ESRRG: variants seen among roughly 807,000 people sequenced by gnomAD.
ESRRG encodes the protein estrogen related receptor gamma, also known as estrogen-related receptor gamma.
ESRRG carries 13 observed loss-of-function variants against 44.0 expected under a neutral mutation model. The observed-to-expected ratio is 0.30, with a 90% CI of 0.19 to 0.47. The LOEUF (loss-of-function observed/expected upper bound fraction) is 0.47. Ranked by LOEUF, ESRRG falls within the 20% of genes least tolerant of loss-of-function variation. The probability of loss-of-function intolerance (pLI) is 1.00; values close to 1 mark genes in which losing one functional copy is unlikely to be tolerated. For missense variants in ESRRG, 395 were observed against 580.6 expected (o/e 0.68, Z 3.29); for synonymous variants, 215 against 214.6 (o/e 1.00, Z -0.02).
intron 1 of ESRRG, among the ~76,000 whole-genome samples, chr1:217,111,602 GT>G (rs1370505720): frequency 1.3e-5 from 2 of 151,940 alleles, no homozygotes; most frequent in African/African-American, 4.8e-5. Context: ...CAAGGCAGAA[GT>G]TTTTTTTCAA....
Position 216,503,587 on chromosome 1 carries a change from G to T in ESRRG, c.*3352C>A, listed in dbSNP as rs544344344. On this transcript the variant is annotated 3_prime_UTR_variant, in exon 7 of 7. Coordinates refer to ENST00000408911, the MANE Select transcript of ESRRG (RefSeq NM_001438.4). ...CAGTTTAAATTTTTTGTCCTTTTAC[G>T]ATCTTTGCACATAAGACTGCCATAA... 1.3e-5 allele frequency: 2 copies of T among 152,172 alleles called. No individual in the cohort carries two copies. The highest frequency in any genetic ancestry group is 2.9e-5 in the Non-Finnish European group (2 of 67,930). 9.4% of individuals were successfully genotyped at this position (152,172 alleles called of 1,614,324 possible).
At chr1:216,523,498 T>C (rs1164314898) in intron 5 of ESRRG, among the ~76,000 whole-genome samples, 1 of 75,732 alleles carries the variant, frequency 1.3e-5, no homozygotes, top group African/African-American at 3.8e-5. Context: ...CTGTTTTTTT[T>C]TTTGTTTTTT....
chr1:216,968,644 AG>A (rs1347645923), intron 1 of ESRRG, among the ~76,000 whole-genome samples: 1 of 150,734 alleles, frequency 6.6e-6, no homozygotes, highest in Admixed American at 6.6e-5. Context: ...GTAGCTTTAA[AG>A]TAGTATCAGT....
Position 216,602,544 on chromosome 1 carries a change from T to G in ESRRG, c.590-34446A>C, listed in dbSNP as rs1558752541. The stretch of plus-strand genomic sequence containing the variant: ...TGTCAGTTTAATCCCCAGCCTGACC[T>G]GGAACACTTTGGCCATTTTAACACC... On this transcript the variant is annotated intron_variant, in intron 3 of 6. Transcript: ENST00000408911. 3.3e-5 allele frequency among the ~76,000 whole-genome samples: 5 copies of G among 152,182 alleles called. No individual in the cohort carries two copies. In the South Asian group the frequency reaches 1.0e-3, roughly 31 times the overall value.
intron 2 of ESRRG, among the ~76,000 whole-genome samples, chr1:216,788,900 G>A (rs1191014121): frequency 6.6e-6 from 1 of 152,118 alleles, no homozygotes; most frequent in Non-Finnish European, 1.5e-5. Flanking sequence ...AGGAGCTGTA[G>A]TTGTGGTAGA....
chr1:216,601,242 C>G (rs575062363), intron 3 of ESRRG, among the ~76,000 whole-genome samples: 1 of 152,012 alleles, frequency 6.6e-6, no homozygotes, highest in Admixed American at 6.5e-5. Context: ...GAAGGACACC[C>G]GGCCGTCGGA....
At chr1:216,622,436 C>T (rs1450516162) in intron 3 of ESRRG, among the ~76,000 whole-genome samples, 1 of 152,208 alleles carries the variant, frequency 6.6e-6, no homozygotes, top group Admixed American at 6.5e-5. Flanking sequence ...TAGGCATTCT[C>T]TGATCCTTCT....
rs756530631 is a variant in ESRRG at position 216,519,425 on chromosome 1, C to T, written c.863-4G>A. On this transcript the variant is annotated splice_region_variant and splice_polypyrimidine_tract_variant and intron_variant, in intron 5 of 6. Transcript: ENST00000408911. ...GCCAGGGACAGCGTGGAGAAGCCTGCATGGAAAGATGGGCAGATCAAGTTA... is the reference window on the plus strand; with the variant it reads ...GCCAGGGACAGCGTGGAGAAGCCTGTATGGAAAGATGGGCAGATCAAGTTA... 6.3e-7 allele frequency: 1 copy of T among 1,599,180 alleles called. No homozygotes were observed. The highest frequency in any genetic ancestry group is 8.5e-7 in the Non-Finnish European group (1 of 1,177,314).
chr1:217,091,582 A>G (rs1299790902), upstream of ESRRG, among the ~76,000 whole-genome samples: 1 of 152,222 alleles, frequency 6.6e-6, no homozygotes. Flanking sequence ...AGGACTATTG[A>G]CTGATGGCCA....
intron 2 of ESRRG, among the ~76,000 whole-genome samples, chr1:216,844,192 G>A (rs995612972): frequency 6.6e-6 from 1 of 152,050 alleles, no homozygotes; most frequent in Non-Finnish European, 1.5e-5. Flanking sequence ...TACAGGCCTG[G>A]AGAGTTAAGA....
At chr1:216,919,471 C>T (rs1340710315) in intron 2 of ESRRG, among the ~76,000 whole-genome samples, 2 of 152,124 alleles carry the variant, frequency 1.3e-5, no homozygotes, top group African/African-American at 2.4e-5. Context: ...GGCTGAAAAG[C>T]AACTCTGAAA....
chr1:216,633,581 T>C (rs1574468363), intron 3 of ESRRG, among the ~76,000 whole-genome samples: 1 of 152,334 alleles, frequency 6.6e-6, no homozygotes, highest in South Asian at 2.1e-4. Context: ...ATGATTATGA[T>C]ACAGATGTAA....
chr1:216,701,835 A>G (rs1306782773), intron 1 of ESRRG, among the ~76,000 whole-genome samples: 1 of 152,232 alleles, frequency 6.6e-6, no homozygotes. Context: ...CTTATCCCAT[A>G]TAATTAAAAA....
At chr1:216,638,266 A>G (rs948814641) in intron 3 of ESRRG, among the ~76,000 whole-genome samples, 1 of 152,182 alleles carries the variant, frequency 6.6e-6, no homozygotes, top group African/African-American at 2.4e-5. Flanking sequence ...CCTCTGATGT[A>G]TGTATAATTA....
chr1:216,679,964 G>A (rs1458781582), intron 1 of ESRRG, among the ~76,000 whole-genome samples: 1 of 152,064 alleles, frequency 6.6e-6, no homozygotes, highest in African/African-American at 2.4e-5. Flanking sequence ...CCATAACTTG[G>A]CAATAGGCTG....
chr1:216,982,685 A>G (rs887962096), intron 1 of ESRRG, among the ~76,000 whole-genome samples: 3 of 152,258 alleles, frequency 2.0e-5, no homozygotes, highest in African/African-American at 7.2e-5. Flanking sequence ...AAGTGTTTTT[A>G]GCCATATAAC....
intron 1 of ESRRG, among the ~76,000 whole-genome samples, chr1:217,014,893 A>G (rs2079118862): frequency 6.6e-6 from 1 of 152,148 alleles, no homozygotes; most frequent in Non-Finnish European, 1.5e-5. Context: ...TCAAATCCTA[A>G]TCAGCCCCAA....
chr1:216,847,289 C>T (rs77601185), intron 2 of ESRRG, among the ~76,000 whole-genome samples: 141 of 152,196 alleles, frequency 9.3e-4, no homozygotes, highest in African/African-American at 3.3e-3. Flanking sequence ...TATAAATCTG[C>T]TCTAACATGG....
chr1:216,928,519 C>G (rs765908403), intron 2 of ESRRG, among the ~76,000 whole-genome samples: 23 of 152,198 alleles, frequency 1.5e-4, no homozygotes, highest in Non-Finnish European at 2.2e-4. Flanking sequence ...CTTCCTGTCA[C>G]AGCCTCCATG....
Sources: allele counts gnomAD v4.1 joint callset (sites outside exome capture counted in the v4.1 genomes callset), GRCh38; gene constraint gnomAD v4.1.1; transcripts MANE v1.5; gene names NCBI Gene and HGNC (gene_info 2026-07-23, HGNC 2026-07-21).